Variants in DMXL1 observed in about 807,000 individuals in gnomAD.
DMXL1 encodes Dmx like 1.
In DMXL1, 99 loss-of-function variants were observed where a neutral mutation model predicts 319.2. The observed-to-expected ratio is 0.31, with a 90% CI of 0.26 to 0.37. DMXL1 has a LOEUF of 0.37. Among genes scored for constraint, DMXL1 ranks in the 10% least tolerant of loss-of-function variants. The pLI, the probability that DMXL1 is intolerant of heterozygous loss-of-function variation, is 1.00. For missense variants in DMXL1, 3,745 were observed against 3,595.6 expected (o/e 1.04, Z -1.06); for synonymous variants, 1,385 against 1,235.2 (o/e 1.12, Z -2.54).
At chr5:119,239,425 G>A (rs1376862477) in intron 41 of DMXL1, among the ~76,000 whole-genome samples, 3 of 152,080 alleles carry the variant, frequency 2.0e-5, no homozygotes, top group Non-Finnish European at 4.4e-5. Flanking sequence ...TCTTCAGCTC[G>A]TCTTCCGTAG....
At chr5:119,156,834 T>C (rs1561749260) in intron 19 of DMXL1, among the ~76,000 whole-genome samples, 1 of 152,124 alleles carries the variant, frequency 6.6e-6, no homozygotes, top group Non-Finnish European at 1.5e-5. Context: ...TTATGAAAAC[T>C]GTTTGTTTTT....
At chr5:119,221,345 A>G (rs577534603) in intron 37 of DMXL1, among the ~76,000 whole-genome samples, 1 of 152,242 alleles carries the variant, frequency 6.6e-6, no homozygotes, top group Admixed American at 6.5e-5. Context: ...GGTTCAGATC[A>G]GGCTTCAGCA....
intron 19 of DMXL1, among the ~76,000 whole-genome samples, chr5:119,156,852 T>A (rs1771195962): frequency 6.6e-6 from 1 of 152,172 alleles, no homozygotes; most frequent in African/African-American, 2.4e-5. Flanking sequence ...TTTTTCTCTT[T>A]CTGATAATAG....
intron 42 of DMXL1, among the ~76,000 whole-genome samples, chr5:119,240,940 A>AGCAAGGTCCCAGGAT (rs1581507810): frequency 1.3e-5 from 2 of 152,358 alleles, no homozygotes; most frequent in East Asian, 3.9e-4. Flanking sequence ...TCACAAGTAT[A>AGCAAGGTCCCAGGAT]GCAAGGTCCC....
chr5:119,241,118 T>C (rs1051089086), intron 42 of DMXL1, among the ~76,000 whole-genome samples: 6 of 152,170 alleles, frequency 3.9e-5, no homozygotes, highest in African/African-American at 1.4e-4. Context: ...ACACATATTT[T>C]GTATATGTGT....
chr5:119,232,812 A>G (rs768131793), intron 38 of DMXL1, among the ~76,000 whole-genome samples: 7 of 151,876 alleles, frequency 4.6e-5, no homozygotes, highest in Non-Finnish European at 8.8e-5. Flanking sequence ...TGTCTCTAAA[A>G]AAAAAAAAAA....
chr5:119,138,287 A>G (rs2150077239), intron 13 of DMXL1, among the ~76,000 whole-genome samples: 1 of 152,320 alleles, frequency 6.6e-6, no homozygotes, highest in East Asian at 1.9e-4. Flanking sequence ...GTGATTGAAT[A>G]TTAGGAAGAA....
chr5:119,088,867 G>C (rs1753950877), intron 1 of DMXL1, among the ~76,000 whole-genome samples: 1 of 151,982 alleles, frequency 6.6e-6, no homozygotes, highest in South Asian at 2.1e-4. Context: ...GTTTTTGATA[G>C]ATTTGTCTTT....
At chr5:119,176,180 T>G (rs1207206360) in intron 26 of DMXL1, among the ~76,000 whole-genome samples, 1 of 152,126 alleles carries the variant, frequency 6.6e-6, no homozygotes, top group Non-Finnish European at 1.5e-5. Context: ...TCTTGTTGAA[T>G]TTAGTATTTG....
At chr5:119,238,453 AT>A (rs1788148243) in intron 40 of DMXL1, among the ~76,000 whole-genome samples, 1 of 152,138 alleles carries the variant, frequency 6.6e-6, no homozygotes, top group Non-Finnish European at 1.5e-5. Context: ...ATGTTTTCTA[AT>A]TTTGATGACT....
chr5:119,107,230 A>G (rs1423620813), intron 4 of DMXL1, among the ~76,000 whole-genome samples: 2 of 151,926 alleles, frequency 1.3e-5, no homozygotes, highest in Non-Finnish European at 2.9e-5. Context: ...GGTCTCAGCT[A>G]TTCAGGAGGC....
At chr5:119,218,943 T>C (rs1278632624) in intron 35 of DMXL1, among the ~76,000 whole-genome samples, 1 of 152,208 alleles carries the variant, frequency 6.6e-6, no homozygotes, top group Non-Finnish European at 1.5e-5. Flanking sequence ...GTTAGCTTTC[T>C]GTTTCTGTTG....
chr5:119,148,993 C>T lies in DMXL1; in HGVS notation c.3166C>T (p.Arg1056Cys). 1.2e-6 allele frequency: 2 copies of T among 1,613,870 alleles called. No homozygotes were observed. The highest frequency in any genetic ancestry group is 1.7e-6 in the Non-Finnish European group (2 of 1,179,850). The change falls in exon 18 of 44, where the codon CGT becomes TGT. Residue 1056 changes from arginine to cysteine, a missense_variant. By Grantham distance (180) the Arg-to-Cys change is radical. Coordinates refer to ENST00000539542, the MANE Select transcript of DMXL1 (RefSeq NM_001290321.3). ...AGAAGTTAGCTGTGCACATACAAATCGTTTAGCAGTAGCTTATAAGCAGCC... is the reference window on the plus strand; with the variant it reads ...AGAAGTTAGCTGTGCACATACAAATTGTTTAGCAGTAGCTTATAAGCAGCC... ...PVEVSCAHTN[R>C]LAVAYKQPAS...
chr5:119,239,862 C>G (rs1295741708), intron 41 of DMXL1, among the ~76,000 whole-genome samples: 1 of 149,424 alleles, frequency 6.7e-6, no homozygotes, highest in African/African-American at 2.5e-5. Flanking sequence ...GGGGCTGAGG[C>G]AGGAGAATCG....
chr5:119,127,505 G>A lies in DMXL1; in HGVS notation c.1103-1706G>A, dbSNP rs564612416. ...TCTGGTAATCTGGAGTGCAGTGACC[G>A]ATAGCTCACTGCAACTTCTGCCTCC... On this transcript the variant is annotated intron_variant, in intron 9 of 43. Coordinates refer to ENST00000539542, the MANE Select transcript of DMXL1 (RefSeq NM_001290321.3). 1.3e-4 allele frequency among the ~76,000 whole-genome samples: 20 copies of A among 152,198 alleles called. No individual in the cohort carries two copies. In the Middle Eastern group the frequency reaches 0.01, roughly 78 times the overall value.
At position 119,195,833 on chromosome 5, in the gene DMXL1, A is replaced by G. The variant is rs146343680; in HGVS notation, c.7458-538A>G. ...AGAACCTGACTTTTTTAAAAATCAA[A>G]CTATATAAAAATGTGAAATCACAAG... On this transcript the variant is annotated intron_variant, in intron 30 of 43. Coordinates refer to ENST00000539542, the MANE Select transcript of DMXL1 (RefSeq NM_001290321.3). Among the ~76,000 whole-genome samples the G allele has an allele frequency of 9.1e-4, 139 of 152,342 alleles. 1 individual carries two copies. The highest frequency in any genetic ancestry group is 3.2e-3 in the African/African-American group (135 of 41,586).
At chr5:119,074,014 G>T (rs1454674771) in intron 1 of DMXL1, among the ~76,000 whole-genome samples, 2 of 151,926 alleles carry the variant, frequency 1.3e-5, no homozygotes, top group Non-Finnish European at 2.9e-5. Context: ...CGCCTCCTGT[G>T]TTCAAGAGAT....
At chr5:119,107,044 G>T (rs561766029) in intron 4 of DMXL1, among the ~76,000 whole-genome samples, 39 of 152,212 alleles carry the variant, frequency 2.6e-4, no homozygotes, top group African/African-American at 9.1e-4. Flanking sequence ...AACATAAAAA[G>T]TTATCTTTGG....
rs778496360 is a variant in DMXL1, at chr5:119,116,288, G to A, written c.695G>A (p.Arg232Gln). 1.1e-5 allele frequency: 18 copies of A among 1,613,810 alleles called. No homozygotes were observed. In the African/African-American group the frequency reaches 1.6e-4, roughly 14 times the overall value. Residue 232 changes from arginine to glutamine, a missense_variant, in exon 7 of 44, where the codon CGA (arginine) becomes CAA (glutamine). Physicochemically the swap from Arg to Gln is conservative, Grantham distance 43. Transcript: ENST00000539542. ...DFSFVYLAHP[R>Q]AVNGFSWRKT... ...TCTTTTGTGTATCTGGCCCATCCTC[G>A]AGCAGTAAATGGATTTTCCTGGCGT...
Sources: gnomAD v4.1 joint callset for allele counts (sites outside exome capture counted in the v4.1 genomes callset) on GRCh38, gnomAD v4.1.1 for gene constraint, MANE v1.5 for transcripts, NCBI Gene and HGNC (gene_info 2026-07-23, HGNC 2026-07-21) for gene names.